The following ABCC3 variants were observed in gnomAD, a reference collection of about 807,000 sequenced individuals.
ABCC3 encodes ATP-binding cassette sub-family C member 3.
ABCC3 carries 121 observed loss-of-function variants against 165.3 expected under a neutral mutation model. The ratio of observed to expected loss-of-function variants is 0.73; its 90% CI spans 0.63 to 0.85. The LOEUF (loss-of-function observed/expected upper bound fraction) is 0.85. Among genes scored for constraint, ABCC3 ranks in the 40% least tolerant of loss-of-function variants. The pLI, the probability that ABCC3 is intolerant of heterozygous loss-of-function variation, is 0.00. For synonymous variants in ABCC3, 733 were observed against 810.1 expected, an observed-to-expected ratio of 0.90 and a Z score of 1.62; for missense variants, 1,869 against 1,964.1, an observed-to-expected ratio of 0.95 and a Z score of 0.92.
At chr17:50,669,806 T>C (rs895360485) in intron 17 of ABCC3, among the ~76,000 whole-genome samples, 2 of 151,960 alleles carry the variant, frequency 1.3e-5, no homozygotes, top group African/African-American at 2.4e-5. Flanking sequence ...TTTTTTTTCT[T>C]TCTTTCTGAG....
At chr17:50,642,284 C>T (rs111850493) in intron 1 of ABCC3, among the ~76,000 whole-genome samples, 31 of 152,318 alleles carry the variant, frequency 2.0e-4, no homozygotes, top group African/African-American at 6.7e-4. Flanking sequence ...CTGGAGTGAA[C>T]CAAATAGGGA....
rs550043480 is a variant in ABCC3, at chr17:50,652,960, G to T, written c.46-2872G>T. On this transcript the variant is annotated intron_variant, in intron 1 of 30. Coordinates refer to ENST00000285238, the MANE Select transcript of ABCC3 (RefSeq NM_003786.4). ...TACAAGAGAACAATTGGCACAGTGT[G>T]CCCTGTCAGGTACCCTTACTTGGTC... 2.6e-4 allele frequency among the ~76,000 whole-genome samples: 40 copies of T among 152,318 alleles called. 1 individual carries two copies. Among genetic ancestry groups the T allele is most frequent in the Middle Eastern group, 6.8e-3 (2 of 294 alleles).
rs188378101 is a variant in ABCC3, at chr17:50,665,896, G to C, written c.1431+651G>C. Among the ~76,000 whole-genome samples the C allele has an allele frequency of 6.7e-4, 102 of 151,942 alleles. 1 individual carries two copies. The highest frequency in any genetic ancestry group is 2.2e-3 in the African/African-American group (93 of 41,434). ...CAAAGTGCTGGGATTACAGGTGTGAGCCATCACACCTGGCCTATTGAAGTC... is the reference window on the plus strand; with the variant it reads ...CAAAGTGCTGGGATTACAGGTGTGACCCATCACACCTGGCCTATTGAAGTC... On this transcript the variant is annotated intron_variant, in intron 11 of 30. Transcript: ENST00000285238.
At chr17:50,643,236 A>T (rs1328869640) in intron 1 of ABCC3, among the ~76,000 whole-genome samples, 1 of 152,188 alleles carries the variant, frequency 6.6e-6, no homozygotes, top group Non-Finnish European at 1.5e-5. Context: ...CAGCTTTGGG[A>T]CAGGCTATCT....
chr17:50,679,940 T>G, intron 26 of ABCC3, 41 bp downstream of exon 26: 2 of 1,543,332 alleles, frequency 1.3e-6, no homozygotes. Context: ...GAATCTGAAG[T>G]AGCTGGGGAA....
chr17:50,670,410 A>G (rs1380542412), intron 17 of ABCC3, among the ~76,000 whole-genome samples: 2 of 152,062 alleles, frequency 1.3e-5, no homozygotes, highest in African/African-American at 4.8e-5. Flanking sequence ...CTCAGTTTTA[A>G]CAACTGAGGA....
intron 26 of ABCC3, among the ~76,000 whole-genome samples, chr17:50,680,225 C>T (rs1347968940): frequency 6.6e-6 from 1 of 152,072 alleles, no homozygotes; most frequent in Non-Finnish European, 1.5e-5. Context: ...GCTGGGGTGA[C>T]CAGGGGAGAC....
At chr17:50,660,879 C>T (rs944803260) in intron 7 of ABCC3, 44 bp from the exon 8 acceptor site, 1 of 1,534,246 alleles carries the variant, frequency 6.5e-7, no homozygotes, top group Non-Finnish European at 8.8e-7. Flanking sequence ...TCCTGGAGCC[C>T]CTGTCCCCAT....
chr17:50,674,413 G>C (rs185797558), intron 19 of ABCC3: 1 of 152,304 alleles, frequency 6.6e-6, no homozygotes, highest in East Asian at 1.9e-4. Context: ...CCCAGGCCCA[G>C]CTTGTGTGGC....
At position 50,691,518 on chromosome 17, in the gene ABCC3, CCTCT is replaced by C. The variant is rs1968123308; in HGVS notation, c.*319_*322del. On this transcript the variant is annotated 3_prime_UTR_variant, in exon 31 of 31. Coordinates refer to ENST00000285238, the MANE Select transcript of ABCC3 (RefSeq NM_003786.4). The stretch of plus-strand genomic sequence containing the variant: ...ATTTTATGAAATGACCTCTGTCCTC[CCTCT>C]GATTTTTCATATTTTCTAAAGTTTC... 4.7e-6 allele frequency: 1 copy of C among 213,998 alleles called. No homozygotes were observed. The highest frequency in any genetic ancestry group is 1.1e-4 in the East Asian group (1 of 8,980). The allele number at this position is 213,998 out of a possible 1,614,324, so 13.3% of individuals were successfully genotyped here.
intron 1 of ABCC3, among the ~76,000 whole-genome samples, chr17:50,652,711 C>G (rs1440331316): frequency 3.3e-5 from 5 of 152,356 alleles, no homozygotes; most frequent in African/African-American, 1.2e-4. Flanking sequence ...GTCTCAGACT[C>G]TGGAGTCCCA....
chr17:50,675,235 A>C, intron 19 of ABCC3, 127 bp from the exon 20 acceptor site: 3 of 595,374 alleles, frequency 5.0e-6, no homozygotes, highest in Non-Finnish European at 8.6e-6. Flanking sequence ...TTGCCCTTTC[A>C]ATCCCCCTCA....
At chr17:50,673,980 C>CCTTCCTTCCT (rs1967725508) in intron 19 of ABCC3, among the ~76,000 whole-genome samples, 20 of 9,366 alleles carry the variant, frequency 2.1e-3, no homozygotes, top group Admixed American at 3.8e-3. Context: ...TTCTTTCTTT[C>CCTTCCTTCCT]TCTCTCTCTC....
chr17:50,663,554 T>G, intron 8 of ABCC3, 127 bp from the exon 9 acceptor site: 1 of 1,119,558 alleles, frequency 8.9e-7, no homozygotes. Context: ...GCCCAAGAGG[T>G]TGGAGGGGGT....
At chr17:50,643,690 T>C in intron 1 of ABCC3, 1 of 454,102 alleles carries the variant, frequency 2.2e-6, no homozygotes, top group Admixed American at 2.4e-5. Flanking sequence ...CTGTCACCCC[T>C]CCCTGGAGTG....
In ABCC3 at chr17:50,669,203, G is replaced by A; in HGVS notation, c.2001G>A (p.Lys667=). The A allele has an allele frequency of 6.2e-7, 1 of 1,610,764 alleles. No homozygotes were observed. Among genetic ancestry groups the A allele is most frequent in the Non-Finnish European group, 8.5e-7 (1 of 1,179,062 alleles). ...VAVVGPVGCG[K]SSLVSALLGE... ...TGGTGGGGCCTGTGGGCTGTGGGAA[G>A]TCCTCCCTGGTGTCTGCCCTGCTGG... The change falls in exon 16 of 31, where the codon AAG becomes AAA. Residue 667 remains lysine, a synonymous_variant. Transcript: ENST00000285238.
At chr17:50,635,204 C>T (rs997200019) in intron 1 of ABCC3, 11 of 624,434 alleles carry the variant, frequency 1.8e-5, no homozygotes, top group African/African-American at 1.7e-4. Context: ...CTCTGCCCTT[C>T]CCGGCTGCAG....
At chr17:50,675,817 C>A (rs558937061) in intron 21 of ABCC3, 42 bp downstream of exon 21, 7 of 1,593,270 alleles carry the variant, frequency 4.4e-6, no homozygotes. Context: ...GATGGACAGG[C>A]AGGCCCCAGC....
rs1597846829 is a variant in ABCC3 at position 50,656,716 on chromosome 17, G to A, written c.237G>A (p.Leu79=). ...TCTCTTCGCAGGTCCTGGGTGTCCT[G>A]CTGTGGTGCGTCTCCTGGGCGGACC... ...LSKLKMVLGV[L]LWCVSWADLF... is the part of the protein sequence containing the mutation. Residue 79 remains leucine (L), a synonymous_variant, in exon 3 of 31, where the codon CTG becomes CTA. Coordinates refer to ENST00000285238, the MANE Select transcript of ABCC3 (RefSeq NM_003786.4). 1 of 1,613,418 alleles carries A rather than the reference G, an allele frequency of 6.2e-7. No individual in the cohort carries two copies. The highest frequency in any genetic ancestry group is 8.5e-7 in the Non-Finnish European group (1 of 1,179,716).
Sources: allele counts gnomAD v4.1 joint callset (sites outside exome capture counted in the v4.1 genomes callset), GRCh38; gene constraint gnomAD v4.1.1; transcripts MANE v1.5; gene names NCBI Gene and HGNC (gene_info 2026-07-23, HGNC 2026-07-21).